The following AP3D1 variants were observed in gnomAD, a reference collection of about 807,000 sequenced individuals.
The protein encoded by AP3D1 is AP-3 complex subunit delta-1.
AP3D1 carries 51 observed loss-of-function variants against 147.6 expected under a neutral mutation model. The observed-to-expected ratio is 0.35, with a 90% CI of 0.28 to 0.44. AP3D1 has a LOEUF of 0.44. Among genes scored for constraint, AP3D1 ranks in the 20% least tolerant of loss-of-function variants. The probability of loss-of-function intolerance (pLI) is 1.00; values close to 1 mark genes in which losing one functional copy is unlikely to be tolerated. For synonymous variants in AP3D1, 760 were observed against 663.0 expected, an observed-to-expected ratio of 1.15 and a Z score of -2.25; for missense variants, 1,421 against 1,624.2, an observed-to-expected ratio of 0.87 and a Z score of 2.15.
At chr19:2,147,545 G>C (rs1343709631) in intron 1 of AP3D1, among the ~76,000 whole-genome samples, 1 of 141,304 alleles carries the variant, frequency 7.1e-6, no homozygotes, top group Non-Finnish European at 1.5e-5. Flanking sequence ...AACACAGCGA[G>C]ACTCTGACTT....
upstream of AP3D1, among the ~76,000 whole-genome samples, chr19:2,156,437 A>C (rs1599506627): frequency 6.6e-6 from 1 of 150,486 alleles, no homozygotes; most frequent in Non-Finnish European, 1.5e-5. Flanking sequence ...CCATTCACCC[A>C]CTCTTCCATC....
rs749925733 is a variant in AP3D1 at position 2,118,818 on chromosome 19, G to C, written c.1496C>G (p.Pro499Arg). The change falls in exon 15 of 32, where the codon CCA becomes CGA. Residue 499 changes from proline to arginine, a missense_variant. Physicochemically the swap from Pro to Arg is moderately radical, Grantham distance 103. Around this residue, in one of 6 missense-constraint regions of AP3D1, gnomAD observed 310 missense variants for 388.1 expected, o/e 0.80. Transcript: ENST00000643116. ...CGEFSEHLQE[P>R]HHTLEAMLRP... ...CAGCATGGCCTCCAAAGTGTGGTGT[G>C]GTTCCTGCAGATGCCTGAGGACAGG... 4 of 1,613,336 alleles carry C rather than the reference G, an allele frequency of 2.5e-6. No homozygotes were observed. The African/African-American group carries it at 4.0e-5, about 16-fold the overall frequency.
chr19:2,112,159 C>T (rs559949370), intron 24 of AP3D1: 13 of 392,154 alleles, frequency 3.3e-5, no homozygotes, highest in African/African-American at 2.4e-4. Context: ...AGAGGGAACA[C>T]ACACATCCAC....
intron 1 of AP3D1, among the ~76,000 whole-genome samples, chr19:2,140,902 G>A (rs898512139): frequency 6.6e-6 from 1 of 151,832 alleles, no homozygotes; most frequent in Non-Finnish European, 1.5e-5. Flanking sequence ...AGGATTACAG[G>A]GGCACACCAC....
rs538926167 is a variant in AP3D1, at chr19:2,147,360, A to G, written c.96+3879T>C. ...AACTCTGTCTCAAAAAAAAAAAAAA[A>G]AAAAGAAAAGAAAACACACTCAGTT... On this transcript the variant is annotated intron_variant, in intron 1 of 31. Coordinates refer to ENST00000643116, the MANE Select transcript of AP3D1 (RefSeq NM_001261826.3). Among the ~76,000 whole-genome samples the G allele has an allele frequency of 2.8e-3, 423 of 149,842 alleles. 2 individuals carry two copies. The highest frequency in any genetic ancestry group is 9.2e-3 in the African/African-American group (379 of 41,066).
chr19:2,113,190 C>T (rs531251767), intron 23 of AP3D1, 146 bp downstream of exon 23: 28 of 636,276 alleles, frequency 4.4e-5, no homozygotes, highest in African/African-American at 3.3e-4. Context: ...AGCATGACCC[C>T]GGCTCCACTC....
Position 2,121,751 on chromosome 19 carries a change from C to T in AP3D1, c.1084G>A (p.Asp362Asn). Residue 362 changes from aspartate to asparagine, a missense_variant, in exon 12 of 32, where the codon GAC becomes AAC. Asp to Asn is a conservative substitution (Grantham distance 23). This residue lies in a region of AP3D1 where 310 missense variants were observed against 388.1 expected (regional missense o/e 0.80). Transcript: ENST00000643116. ...GCACGCACCATCCCATAGAGCAGGT[C>T]CAGGGCCCGCAGCCGGATGGACTCG... ...KDESIRLRALDLLYGMVSKKN... is the reference protein window; with the variant it reads ...KDESIRLRALNLLYGMVSKKN... 1 of 1,607,274 alleles carries T rather than the reference C, an allele frequency of 6.2e-7. No individual in the cohort carries two copies. Among genetic ancestry groups the T allele is most frequent in the Non-Finnish European group, 8.5e-7 (1 of 1,177,138 alleles).
chr19:2,148,750 C>A (rs892308474), intron 1 of AP3D1, among the ~76,000 whole-genome samples: 2 of 152,200 alleles, frequency 1.3e-5, no homozygotes, highest in Admixed American at 6.5e-5. Flanking sequence ...AAACCTCATG[C>A]GATTTCTACT....
upstream of AP3D1, among the ~76,000 whole-genome samples, chr19:2,153,415 C>T (rs1440180944): frequency 6.6e-6 from 1 of 151,302 alleles, no homozygotes; most frequent in Admixed American, 6.6e-5. Context: ...GCGGTTCACG[C>T]CTATAACCCC....
chr19:2,122,540 T>C (rs1171577856), intron 11 of AP3D1, among the ~76,000 whole-genome samples: 6 of 152,348 alleles, frequency 3.9e-5, no homozygotes, highest in African/African-American at 1.4e-4. Flanking sequence ...CGGGCGGTAC[T>C]GAGACCCGCG....
At chr19:2,133,950 T>TA (rs1306758331) in intron 4 of AP3D1, among the ~76,000 whole-genome samples, 4 of 150,740 alleles carry the variant, frequency 2.7e-5, no homozygotes, top group Non-Finnish European at 4.4e-5. Context: ...TCTCCTAAAA[T>TA]AAAAAAAATT....
chr19:2,158,186 G>C (rs962675898), intron 1 of AP3D1, among the ~76,000 whole-genome samples: 1 of 151,984 alleles, frequency 6.6e-6, no homozygotes, highest in Non-Finnish European at 1.5e-5. Context: ...CTTTCCAGTA[G>C]CTGGGACTAC....
intron 1 of AP3D1, among the ~76,000 whole-genome samples, chr19:2,150,284 G>A (rs980199798): frequency 2.6e-5 from 4 of 152,224 alleles, no homozygotes; most frequent in African/African-American, 9.6e-5. Context: ...CAGGGAAGCA[G>A]GCAGGCAGTC....
rs532946122 is a variant in AP3D1, at chr19:2,107,663, C to T, written c.3552+1024G>A. 1.1e-4 allele frequency among the ~76,000 whole-genome samples: 16 copies of T among 150,708 alleles called. No homozygotes were observed. The East Asian group carries it at 2.5e-3, about 24-fold the overall frequency. ...GCTGAGGCAGGAGAATGGCGTGAACCAGGGAGGCGGAGCTTGCAGTGAGCT... is the reference window on the plus strand; with the variant it reads ...GCTGAGGCAGGAGAATGGCGTGAACTAGGGAGGCGGAGCTTGCAGTGAGCT... On this transcript the variant is annotated intron_variant, in intron 31 of 31. Coordinates refer to ENST00000643116, the MANE Select transcript of AP3D1 (RefSeq NM_001261826.3).
At chr19:2,141,685 C>T (rs2019223968) in intron 1 of AP3D1, among the ~76,000 whole-genome samples, 1 of 151,990 alleles carries the variant, frequency 6.6e-6, no homozygotes, top group African/African-American at 2.4e-5. Context: ...CATGATCCAC[C>T]TGTCTCAGCC....
At chr19:2,131,199 C>T (rs1310384660) in intron 5 of AP3D1, among the ~76,000 whole-genome samples, 1 of 152,288 alleles carries the variant, frequency 6.6e-6, no homozygotes, top group East Asian at 1.9e-4. Context: ...GCCTGCTGAT[C>T]CCTGATCTAG....
Position 2,114,144 on chromosome 19 carries a change from T to C in AP3D1, c.2582A>G (p.Lys861Arg). 1 of 1,562,058 alleles carries C rather than the reference T, an allele frequency of 6.4e-7. No homozygotes were observed. Among genetic ancestry groups the C allele is most frequent in the Non-Finnish European group, 8.7e-7 (1 of 1,153,106 alleles). ...HKEKERDKEK[K>R]KEKEKKAEDL... is the part of the protein sequence containing the mutation. ...CCTTACCTTCTTCTCCTTCTCCTTC[T>C]TCTTCTCCTTGTCTCTCTCTTTCTC... The change falls in exon 22 of 32, where the codon AAG becomes AGG. Residue 861 changes from lysine to arginine, a missense_variant. Around this residue, in one of 6 missense-constraint regions of AP3D1, gnomAD observed 791 missense variants for 761.4 expected, o/e 1.04. Coordinates refer to ENST00000643116, the MANE Select transcript of AP3D1 (RefSeq NM_001261826.3).
chr19:2,121,464 T>C (rs2018609606), intron 12 of AP3D1, among the ~76,000 whole-genome samples, 153 bp from the exon 13 acceptor site: 2 of 152,032 alleles, frequency 1.3e-5, no homozygotes, highest in African/African-American at 4.8e-5. Flanking sequence ...GCCCCTGCGA[T>C]GTGGGCTGGG....
At chr19:2,124,719 T>G (rs932765525) in intron 9 of AP3D1, among the ~76,000 whole-genome samples, 4 of 152,204 alleles carry the variant, frequency 2.6e-5, no homozygotes, top group Admixed American at 2.6e-4. Flanking sequence ...GGCGGGCAGA[T>G]GACCTGAGGT....
Sources: gnomAD v4.1 joint callset for allele counts (sites outside exome capture counted in the v4.1 genomes callset) on GRCh38, gnomAD v4.1.1 for gene constraint, gnomAD v4.1.1 regional missense constraint, MANE v1.5 for transcripts, NCBI Gene and HGNC (gene_info 2026-07-23, HGNC 2026-07-21) for gene names.